The following TAFA2 variants were observed in gnomAD, a reference collection of about 807,000 sequenced individuals.
The protein encoded by TAFA2 is TAFA chemokine like family member 2, also known as chemokine-like protein TAFA-2.
Under a neutral mutation model 18.8 loss-of-function variants are expected in TAFA2, and 7 were observed. The ratio of observed to expected loss-of-function variants is 0.37; its 90% confidence interval spans 0.21 to 0.70. TAFA2 has a LOEUF of 0.70. Ranked by LOEUF, TAFA2 falls within the 30% of genes least tolerant of loss-of-function variation. The pLI, the probability that TAFA2 is intolerant of heterozygous loss-of-function variation, is 0.53. For synonymous variants in TAFA2, 60 were observed against 54.2 expected (o/e 1.11, Z -0.47); for missense variants, 122 against 158.1 (o/e 0.77, Z 1.23).
chr12:62,088,712 G>A (rs1173185587), intron 1 of TAFA2, among the ~76,000 whole-genome samples: 2 of 100,900 alleles, frequency 2.0e-5, no homozygotes, highest in Non-Finnish European at 4.2e-5. Flanking sequence ...GGAGGATTGT[G>A]GCACAGGAAT....
At chr12:61,820,702 G>A (rs1271555645) in intron 2 of TAFA2, among the ~76,000 whole-genome samples, 1 of 151,906 alleles carries the variant, frequency 6.6e-6, no homozygotes, top group Non-Finnish European at 1.5e-5. Context: ...AAAACAAAGT[G>A]AAAAGAACTC....
At chr12:61,756,645 A>G (rs1021799900) in intron 2 of TAFA2, among the ~76,000 whole-genome samples, 2 of 152,100 alleles carry the variant, frequency 1.3e-5, no homozygotes, top group African/African-American at 2.4e-5. Flanking sequence ...ATAAGCACCC[A>G]CGGTAATAAT....
At chr12:61,995,805 G>C (rs1161386689) in intron 1 of TAFA2, among the ~76,000 whole-genome samples, 1 of 152,116 alleles carries the variant, frequency 6.6e-6, no homozygotes, top group Non-Finnish European at 1.5e-5. Context: ...TTTCCTTGGA[G>C]GTTGATAAAA....
chr12:61,979,849 G>A (rs769626033), intron 1 of TAFA2, among the ~76,000 whole-genome samples: 5 of 152,070 alleles, frequency 3.3e-5, no homozygotes, highest in Non-Finnish European at 5.9e-5. Context: ...TATGGCAAAC[G>A]AGACTGGAAG....
chr12:62,156,321 C>T (rs1048147311), intron 1 of TAFA2, among the ~76,000 whole-genome samples: 1 of 152,104 alleles, frequency 6.6e-6, no homozygotes, highest in Non-Finnish European at 1.5e-5. Context: ...ATGCCGTGAT[C>T]AGTGAACACT....
intron 1 of TAFA2, among the ~76,000 whole-genome samples, chr12:62,100,668 C>A (rs1034999375): frequency 6.6e-6 from 1 of 152,188 alleles, no homozygotes; most frequent in Non-Finnish European, 1.5e-5. Context: ...CACTTGTGTA[C>A]TTCTTGAATG....
intron 2 of TAFA2, among the ~76,000 whole-genome samples, chr12:61,822,528 CAGTA>C (rs1441803202): frequency 3.3e-5 from 5 of 152,094 alleles, no homozygotes; most frequent in Non-Finnish European, 7.4e-5. Flanking sequence ...ACTAAGAAAA[CAGTA>C]AGTAGAGAAA....
At chr12:62,165,974 G>A (rs1259460016) in intron 1 of TAFA2, among the ~76,000 whole-genome samples, 1 of 75,312 alleles carries the variant, frequency 1.3e-5, no homozygotes, top group East Asian at 4.3e-4. Flanking sequence ...CACACACACA[G>A]ACGCAAACAT....
intron 1 of TAFA2, among the ~76,000 whole-genome samples, chr12:61,874,625 CT>C (rs1874763866): frequency 6.6e-6 from 1 of 152,106 alleles, no homozygotes; most frequent in South Asian, 2.1e-4. Context: ...GTGCAAATAC[CT>C]TTACCACCCA....
chr12:62,091,361 T>C (rs1868704523), intron 1 of TAFA2, among the ~76,000 whole-genome samples: 1 of 152,050 alleles, frequency 6.6e-6, no homozygotes, highest in Non-Finnish European at 1.5e-5. Context: ...ATGTATCTAC[T>C]GTATTAAATA....
intron 2 of TAFA2, among the ~76,000 whole-genome samples, chr12:61,819,812 G>A (rs1346382665): frequency 1.3e-5 from 2 of 151,932 alleles, no homozygotes; most frequent in Non-Finnish European, 2.9e-5. Flanking sequence ...CAAATGTCCT[G>A]GAAGGCATTT....
intron 2 of TAFA2, among the ~76,000 whole-genome samples, chr12:61,807,407 G>A (rs1044957582): frequency 1.3e-5 from 2 of 151,380 alleles, no homozygotes. Context: ...GTGCCTGGAT[G>A]TCCAGGCAGA....
chr12:62,074,074 C>G (rs906433020), intron 1 of TAFA2, among the ~76,000 whole-genome samples: 1 of 152,224 alleles, frequency 6.6e-6, no homozygotes, highest in Non-Finnish European at 1.5e-5. Context: ...GGAACTATTT[C>G]TCATTGAATG....
intron 1 of TAFA2, among the ~76,000 whole-genome samples, chr12:62,137,086 A>G (rs890154151): frequency 6.6e-6 from 1 of 152,096 alleles, no homozygotes; most frequent in African/African-American, 2.4e-5. Flanking sequence ...TGCTGTTAGG[A>G]ATTTGTCTTC....
chr12:62,250,196 C>T (rs1288279715), intron 1 of TAFA2, among the ~76,000 whole-genome samples: 1 of 152,140 alleles, frequency 6.6e-6, no homozygotes, highest in Non-Finnish European at 1.5e-5. Flanking sequence ...AATACTTTAA[C>T]TGAATACAGA....
chr12:61,879,406 G>T (rs78867286), intron 1 of TAFA2: 2 of 717,328 alleles, frequency 2.8e-6, no homozygotes, highest in African/African-American at 1.8e-5. Flanking sequence ...GAGTGGTCCC[G>T]GTGCCCCCAT....
At chr12:61,730,303 G>A (rs1339145261) in intron 4 of TAFA2, among the ~76,000 whole-genome samples, 1 of 152,104 alleles carries the variant, frequency 6.6e-6, no homozygotes, top group Non-Finnish European at 1.5e-5. Context: ...CTTCCTCGGA[G>A]CAGGGTTGTT....
At chr12:62,070,122 G>A (rs1882590104) in intron 1 of TAFA2, among the ~76,000 whole-genome samples, 1 of 152,128 alleles carries the variant, frequency 6.6e-6, no homozygotes, top group Admixed American at 6.6e-5. Flanking sequence ...TTCTTGTGCT[G>A]CTTTATTTTT....
At chr12:61,797,342 C>G (rs538182208) in intron 2 of TAFA2, among the ~76,000 whole-genome samples, 4 of 152,070 alleles carry the variant, frequency 2.6e-5, no homozygotes, top group South Asian at 2.1e-4. Context: ...GACTTCTGCT[C>G]CTTTGGAGAA....
Sources: gnomAD v4.1 joint callset for allele counts (sites outside exome capture counted in the v4.1 genomes callset) on GRCh38, gnomAD v4.1.1 for gene constraint, MANE v1.5 for transcripts, NCBI Gene and HGNC (gene_info 2026-07-23, HGNC 2026-07-21) for gene names.